RSPH6A: variants seen among roughly 807,000 people sequenced by gnomAD.
The protein encoded by RSPH6A is radial spoke head protein 6 homolog A.
Under a neutral mutation model 66.1 loss-of-function variants are expected in RSPH6A, and 49 were observed. That is an observed-to-expected ratio of 0.74 (90% CI 0.59 to 0.94). The LOEUF (loss-of-function observed/expected upper bound fraction) is 0.94, where lower values mean the gene tolerates loss of function less well. RSPH6A is among the 40% of genes least tolerant of loss of function. The probability of loss-of-function intolerance (pLI) is 0.00; values close to 1 mark genes in which losing one functional copy is unlikely to be tolerated. For synonymous variants in RSPH6A, 419 were observed against 402.4 expected (o/e 1.04, Z -0.49); for missense variants, 977 against 948.3 (o/e 1.03, Z -0.40).
At chr19:45,810,496 T>C (rs1220912926) in intron 2 of RSPH6A, 107 bp downstream of exon 2, 2 of 1,040,950 alleles carry the variant, frequency 1.9e-6, no homozygotes, top group East Asian at 2.4e-5. Flanking sequence ...TGTGACTGGA[T>C]TGTGCAATGC....
rs1175336483 is a variant in RSPH6A, at chr19:45,815,084, G to A, written c.93C>T (p.Asp31=). 1.2e-6 allele frequency: 2 copies of A among 1,613,336 alleles called. No homozygotes were observed. Among genetic ancestry groups the A allele is most frequent in the Admixed American group, 1.7e-5 (1 of 60,022 alleles). Residue 31 remains aspartate (D), a synonymous_variant, in exon 1 of 6, where the codon GAC becomes GAT. Transcript: ENST00000221538. ...GGTCCGCTGCCAGGGCCTGAGCTTG[G>A]TCCCGACTGTGCCGCCTCTGGGAGG... The part of the protein sequence containing the change: ...SQASQRRHSR[D]QAQALAADPE...
chr19:45,799,009 ATAGCC>A (rs1395514811), intron 5 of RSPH6A, among the ~76,000 whole-genome samples: 3 of 152,274 alleles, frequency 2.0e-5, no homozygotes, highest in East Asian at 3.9e-4. Flanking sequence ...ATATCAGGGT[ATAGCC>A]TGAAGAAGGG....
intron 2 of RSPH6A, among the ~76,000 whole-genome samples, chr19:45,807,495 G>A (rs960826261): frequency 6.7e-6 from 1 of 149,830 alleles, no homozygotes; most frequent in East Asian, 2.0e-4. Flanking sequence ...GATTACAAGC[G>A]TGAGCCACTG....
Position 45,814,902 on chromosome 19 carries a change from G to A in RSPH6A, c.275C>T (p.Thr92Met), listed in dbSNP as rs761801719. The change falls in exon 1 of 6, where the codon ACG becomes ATG. Residue 92 changes from threonine (T) to methionine (M), a missense_variant. Thr to Met is a moderately conservative substitution (Grantham distance 81). Coordinates refer to ENST00000221538, the MANE Select transcript of RSPH6A (RefSeq NM_030785.4). The stretch of plus-strand genomic sequence containing the variant: ...AGGCTGGAACTCTGAGGGAAAGCCC[G>A]TGTTCACAGATGGGTACTCCATGCC... ...LGGMEYPSVN[T>M]GFPSEFQPQP... The A allele has an allele frequency of 9.3e-6, 15 of 1,614,134 alleles. No homozygotes were observed. The highest frequency in any genetic ancestry group is 1.3e-5 in the Non-Finnish European group (15 of 1,180,038).
At chr19:45,798,121 G>C (rs1025182972) in intron 5 of RSPH6A, among the ~76,000 whole-genome samples, 3 of 152,012 alleles carry the variant, frequency 2.0e-5, no homozygotes, top group African/African-American at 7.3e-5. Context: ...TGCACTTTGA[G>C]AGGCTGAGGT....
At position 45,795,787 on chromosome 19, in the gene RSPH6A, G is replaced by A; in HGVS notation, c.*82C>T. 7.9e-7 allele frequency: 1 copy of A among 1,267,282 alleles called. No homozygotes were observed. The highest frequency in any genetic ancestry group is 1.1e-6 in the Non-Finnish European group (1 of 914,078). 78.5% of individuals were successfully genotyped at this position (1,267,282 alleles called of 1,614,324 possible). Reference sequence around the variant, plus strand: ...GCCCTCTGGGGACAGGAAGCACATAGTGAAAATATAATCCATGCTAACTAC... The same window carrying A: ...GCCCTCTGGGGACAGGAAGCACATAATGAAAATATAATCCATGCTAACTAC... On this transcript the variant is annotated 3_prime_UTR_variant, in exon 6 of 6. Coordinates refer to ENST00000221538, the MANE Select transcript of RSPH6A (RefSeq NM_030785.4).
chr19:45,811,743 GTATTATTATTATTATTATTATTAT>G (rs59665443), intron 1 of RSPH6A, among the ~76,000 whole-genome samples: 5 of 118,488 alleles, frequency 4.2e-5, no homozygotes, highest in Non-Finnish European at 5.3e-5. Context: ...GCCAACATTT[GTATTATTATTATTATTATTATTAT>G]TATTATTATT....
In RSPH6A at chr19:45,804,180, G is replaced by A. The variant is rs2146284531; in HGVS notation, c.1653+72C>T. On this transcript the variant is annotated intron_variant, in intron 3 of 5. Coordinates refer to ENST00000221538, the MANE Select transcript of RSPH6A (RefSeq NM_030785.4). The surrounding 1 kb of genome is among the most constrained non-coding windows in gnomAD (Gnocchi z 5.8). ...GCCCAGCAGAGAGTAAGAGCTTGATGTCAGTATTGCAGGGTCATGCGTGAG... is the reference window on the plus strand; with the variant it reads ...GCCCAGCAGAGAGTAAGAGCTTGATATCAGTATTGCAGGGTCATGCGTGAG... 8.4e-7 allele frequency: 1 copy of A among 1,193,934 alleles called. No individual in the cohort carries two copies. Among genetic ancestry groups the A allele is most frequent in the African/African-American group, 1.5e-5 (1 of 66,176 alleles). 74.0% of individuals were successfully genotyped at this position (1,193,934 alleles called of 1,614,324 possible).
intron 2 of RSPH6A, among the ~76,000 whole-genome samples, chr19:45,806,500 G>A (rs922916091): frequency 2.6e-5 from 4 of 151,408 alleles, no homozygotes; most frequent in Non-Finnish European, 5.9e-5. Context: ...GTGAAATCTG[G>A]TCTCTACTAA....
intron 2 of RSPH6A, among the ~76,000 whole-genome samples, chr19:45,807,126 T>C (rs895822717): frequency 3.3e-5 from 5 of 151,962 alleles, no homozygotes; most frequent in Non-Finnish European, 5.9e-5. Context: ...ACTCCTGACC[T>C]CGTGATCCGC....
At chr19:45,803,908 G>T (rs1181276839) in intron 3 of RSPH6A, among the ~76,000 whole-genome samples, 2 of 150,552 alleles carry the variant, frequency 1.3e-5, no homozygotes, top group Admixed American at 6.7e-5. Context: ...CGGGACAATC[G>T]CTTGAACCCA....
Position 45,804,473 on chromosome 19 carries a change from C to T in RSPH6A, c.1432G>A (p.Ala478Thr), listed in dbSNP as rs1970513650. Residue 478 changes from alanine to threonine, a missense_variant, in exon 3 of 6, where the codon GCC (alanine) becomes ACC (threonine). By Grantham distance (58) the Ala-to-Thr change is moderately conservative. Coordinates refer to ENST00000221538, the MANE Select transcript of RSPH6A (RefSeq NM_030785.4). This position sits in a 1 kb window ranked among gnomAD's most constrained non-coding sequence, Gnocchi z 5.8. ...GCTATCTGGGCCCGCAGGTAGTTGG[C>T]CTCGTTGCCCGGGAAGGGTGGGTAG... ...VSYPPFPGNE[A>T]NYLRAQIARI... is the part of the protein sequence containing the mutation. 1 of 1,613,970 alleles carries T rather than the reference C, an allele frequency of 6.2e-7. No individual in the cohort carries two copies. Among genetic ancestry groups the T allele is most frequent in the African/African-American group, 1.3e-5 (1 of 74,936 alleles).
chr19:45,806,156 C>T (rs117156135), intron 2 of RSPH6A, among the ~76,000 whole-genome samples: 3,048 of 152,232 alleles, frequency 0.02, 51 homozygotes, highest in Middle Eastern at 0.058. Flanking sequence ...AGACAGGTCT[C>T]GAACGGAGGA....
chr19:45,804,732 CTCCTCCTCGCCG>C lies in RSPH6A; in HGVS notation c.1161_1172del (p.His387_Glu391delinsGln), dbSNP rs1285770137. 3.7e-6 allele frequency: 6 copies of C among 1,613,224 alleles called. No homozygotes were observed. The South Asian group carries it at 6.6e-5, about 18-fold the overall frequency. On this transcript the variant is annotated inframe_deletion, in exon 3 of 6. Coordinates refer to ENST00000221538, the MANE Select transcript of RSPH6A (RefSeq NM_030785.4). The surrounding 1 kb of genome is among the most constrained non-coding windows in gnomAD (Gnocchi z 5.8). ...CGGCCTTCTCCTCGTCCTCCTCGCC[CTCCTCCTCGCCG>C]TGCGCCTCCATGACCTCGCCACCTT...
chr19:45,814,444 T>C, intron 1 of RSPH6A, 83 bp downstream of exon 1: 1 of 1,298,122 alleles, frequency 7.7e-7, no homozygotes, highest in Non-Finnish European at 1.0e-6. Flanking sequence ...TGATCCCTTG[T>C]CTGACTGACT....
At chr19:45,810,360 CG>C in intron 2 of RSPH6A, among the ~76,000 whole-genome samples, 1 of 152,040 alleles carries the variant, frequency 6.6e-6, no homozygotes, top group South Asian at 2.1e-4. Flanking sequence ...TTAGTAGAGA[CG>C]GGGTTTCATC....
At position 45,810,826 on chromosome 19, in the gene RSPH6A, AC is replaced by A. The variant is rs1294888496; in HGVS notation, c.664del (p.Val222Ter). ...GTTCAGGATCTTGGTCAGCAGATTCACCAGGTGCTCGTACCTGCCTCCCGCA... is the reference window on the plus strand; with the variant it reads ...GTTCAGGATCTTGGTCAGCAGATTCACAGGTGCTCGTACCTGCCTCCCGCA... ...NCDLSLYEHL[V>X]NLLTKILNQR... On this transcript the variant is annotated frameshift_variant, in exon 2 of 6. Transcript: ENST00000221538. LOFTEE classifies it high-confidence loss of function. The A allele has an allele frequency of 6.2e-7, 1 of 1,609,334 alleles. No individual in the cohort carries two copies. The highest frequency in any genetic ancestry group is 8.5e-7 in the Non-Finnish European group (1 of 1,176,408).
intron 3 of RSPH6A, among the ~76,000 whole-genome samples, chr19:45,803,417 C>G (rs1970496937): frequency 6.6e-6 from 1 of 151,940 alleles, no homozygotes; most frequent in South Asian, 2.1e-4. Context: ...TGGCTCATGC[C>G]TGTAATCCCA....
chr19:45,802,042 C>A (rs1051634876), intron 4 of RSPH6A, 78 bp downstream of exon 4: 2 of 1,317,614 alleles, frequency 1.5e-6, no homozygotes, highest in Non-Finnish European at 2.0e-6. Context: ...GGAGATGGAC[C>A]CCAGCAGTCC....
Sources: allele counts gnomAD v4.1 joint callset (sites outside exome capture counted in the v4.1 genomes callset), GRCh38; gene constraint gnomAD v4.1.1; non-coding constraint Gnocchi (gnomAD v3.1); transcripts MANE v1.5; gene names NCBI Gene and HGNC (gene_info 2026-07-23, HGNC 2026-07-21).